Variants in PARP4 observed in about 807,000 individuals in gnomAD.
PARP4 encodes the protein protein mono-ADP-ribosyltransferase PARP4.
PARP4 carries 120 observed loss-of-function variants against 187.7 expected under a neutral mutation model. The ratio of observed to expected loss-of-function variants is 0.64; its 90% CI spans 0.55 to 0.74. The LOEUF (loss-of-function observed/expected upper bound fraction) is 0.74, where lower values mean the gene tolerates loss of function less well. Ranked by LOEUF, PARP4 falls within the 30% of genes least tolerant of loss-of-function variation. The pLI is 0.00. For synonymous variants in PARP4, 654 were observed against 740.9 expected, an observed-to-expected ratio of 0.88 and a Z score of 1.90; for missense variants, 1,836 against 2,070.5, an observed-to-expected ratio of 0.89 and a Z score of 2.20.
At chr13:24,436,900 T>C (rs1565989955) in intron 30 of PARP4, among the ~76,000 whole-genome samples, 1 of 152,156 alleles carries the variant, frequency 6.6e-6, no homozygotes, top group Non-Finnish European at 1.5e-5. Context: ...ATTAATATTA[T>C]AGAACATATG....
At chr13:24,506,408 G>A (rs1012032419) in intron 1 of PARP4, among the ~76,000 whole-genome samples, 3 of 152,134 alleles carry the variant, frequency 2.0e-5, no homozygotes, top group Non-Finnish European at 2.9e-5. Context: ...GACCCCAGCA[G>A]GTTGCCACTG....
rs535929826 is a variant in PARP4, at chr13:24,511,268, G to A, written c.-2+1438C>T. Among the ~76,000 whole-genome samples, 78 of 152,112 alleles carry A rather than the reference G, an allele frequency of 5.1e-4. 2 individuals carry two copies. Among genetic ancestry groups the A allele is most frequent in the African/African-American group, 1.7e-3 (71 of 41,478 alleles). ...GCCAGCCCTCTTCTGGGTTAACAGC[G>A]CCTAACCGACATGCGCCACTAGTTC... On this transcript the variant is annotated intron_variant, in intron 1 of 33. Transcript: ENST00000381989.
At chr13:24,448,134 C>T (rs1871305810) in intron 25 of PARP4, among the ~76,000 whole-genome samples, 1 of 152,096 alleles carries the variant, frequency 6.6e-6, no homozygotes, top group Admixed American at 6.5e-5. Context: ...GGCTTGAGAC[C>T]AGGATGTCAG....
intron 31 of PARP4, among the ~76,000 whole-genome samples, chr13:24,432,548 T>G (rs1224920653): frequency 2.0e-5 from 3 of 152,192 alleles, no homozygotes; most frequent in Non-Finnish European, 2.9e-5. Context: ...TTTTGTTCCC[T>G]TTTGTGGAAA....
intron 5 of PARP4, 121 bp from the exon 6 acceptor site, chr13:24,498,350 T>C (rs1869076498): frequency 7.9e-6 from 5 of 629,008 alleles, no homozygotes; most frequent in Admixed American, 2.9e-5. Context: ...TTAGAAAATA[T>C]AGAAAAGTAT....
intron 15 of PARP4, 87 bp from the exon 16 acceptor site, chr13:24,470,112 A>G: frequency 1.6e-6 from 2 of 1,242,608 alleles, no homozygotes; most frequent in East Asian, 4.9e-5. Context: ...GATTTTGCAT[A>G]TTTATTTGAA....
intron 17 of PARP4, among the ~76,000 whole-genome samples, chr13:24,467,304 T>G (rs909466466): frequency 6.6e-6 from 1 of 152,212 alleles, no homozygotes; most frequent in African/African-American, 2.4e-5. Context: ...GATTACGAGC[T>G]AGACCTCTAT....
At chr13:24,479,722 G>T (rs1873168031) in intron 12 of PARP4, among the ~76,000 whole-genome samples, 1 of 152,166 alleles carries the variant, frequency 6.6e-6, no homozygotes, top group Non-Finnish European at 1.5e-5. Flanking sequence ...GCAGGATGTG[G>T]GTGGTGCCAG....
intron 1 of PARP4, among the ~76,000 whole-genome samples, chr13:24,506,866 C>T (rs1869719759): frequency 6.6e-6 from 1 of 152,210 alleles, no homozygotes; most frequent in Non-Finnish European, 1.5e-5. Flanking sequence ...GCCGGCCGCG[C>T]TCCTGCGGGA....
In PARP4 at chr13:24,459,283, C is replaced by T. The variant is rs1211098239; in HGVS notation, c.2326G>A (p.Glu776Lys). 6 of 1,577,346 alleles carry T rather than the reference C, an allele frequency of 3.8e-6. No individual in the cohort carries two copies. In the East Asian group the frequency reaches 1.3e-4, roughly 35 times the overall value. The change falls in exon 19 of 34, where the codon GAA becomes AAA. Residue 776 changes from glutamate (E) to lysine (K), a missense_variant. Coordinates refer to ENST00000381989, the MANE Select transcript of PARP4 (RefSeq NM_006437.4). The stretch of plus-strand genomic sequence containing the variant: ...ACTAACCTTTGCTTTGTTCCTATTT[C>T]TTTTATACAAATCTTCTCTACTGTA... The part of the protein sequence containing the change: ...QDTVEKICIK[E>K]IGTKQSFSLT...
intron 14 of PARP4, among the ~76,000 whole-genome samples, chr13:24,477,451 C>G (rs1246571237): frequency 8.3e-6 from 1 of 120,038 alleles, no homozygotes; most frequent in African/African-American, 2.9e-5. Flanking sequence ...GAGTGAGACC[C>G]TGTCTCAAAA....
rs1159268910 is a variant in PARP4, at chr13:24,459,564, CACAT to C, written c.2299-258_2299-255del. 560 of 415,234 alleles carry C rather than the reference CACAT, an allele frequency of 1.3e-3. 3 individuals are homozygous for C. Among genetic ancestry groups the C allele is most frequent in the Admixed American group, 4.4e-3 (104 of 23,532 alleles). 25.7% of individuals were successfully genotyped at this position (415,234 alleles called of 1,614,324 possible). ...ACACACACGCACACACACACACACA[CACAT>C]TTTATACATGTGCTGTACATACAAA... On this transcript the variant is annotated intron_variant, in intron 18 of 33. Coordinates refer to ENST00000381989, the MANE Select transcript of PARP4 (RefSeq NM_006437.4).
chr13:24,498,766 T>C (rs1259099038), intron 5 of PARP4, among the ~76,000 whole-genome samples: 8 of 151,914 alleles, frequency 5.3e-5, no homozygotes, highest in Admixed American at 5.2e-4. Context: ...AAAAAAAGGA[T>C]TTTGTTTTTC....
In PARP4 at chr13:24,445,905, G is replaced by A. The variant is rs370934488; in HGVS notation, c.3366+776C>T. Among the ~76,000 whole-genome samples, 82 of 152,262 alleles carry A rather than the reference G, an allele frequency of 5.4e-4. 1 individual carries two copies. Among genetic ancestry groups the A allele is most frequent in the South Asian group, 2.5e-3 (12 of 4,822 alleles). On this transcript the variant is annotated intron_variant, in intron 27 of 33. Transcript: ENST00000381989. ...TGTGAGGTCTGTGCCAACCCCAGGC[G>A]GCCAGTGTCAGAATTGAATTAAATT...
intron 17 of PARP4, among the ~76,000 whole-genome samples, chr13:24,465,573 G>A (rs1225051359): frequency 6.6e-6 from 1 of 152,114 alleles, no homozygotes; most frequent in Non-Finnish European, 1.5e-5. Flanking sequence ...TGAACAATGA[G>A]AACACATGGA....
chr13:24,449,171 G>A (rs1190088404), intron 25 of PARP4, among the ~76,000 whole-genome samples: 3 of 152,276 alleles, frequency 2.0e-5, no homozygotes, highest in Non-Finnish European at 2.9e-5. Context: ...GGCAGATCAT[G>A]AGGTCAGGAG....
chr13:24,459,654 G>A (rs1872095637), intron 18 of PARP4, among the ~76,000 whole-genome samples: 1 of 152,028 alleles, frequency 6.6e-6, no homozygotes, highest in African/African-American at 2.4e-5. Flanking sequence ...ATGGGATAAA[G>A]GATGGTTTTA....
At chr13:24,448,588 A>G (rs1456394422) in intron 25 of PARP4, among the ~76,000 whole-genome samples, 1 of 152,202 alleles carries the variant, frequency 6.6e-6, no homozygotes, top group Non-Finnish European at 1.5e-5. Context: ...ACTAAACATA[A>G]AATGAGCATA....
rs553458680 is a variant in PARP4, at chr13:24,423,142, C to CA, written c.4980-1829dup. 1.2e-3 allele frequency among the ~76,000 whole-genome samples: 176 copies of CA among 152,264 alleles called. 3 individuals carry two copies. In the East Asian group the frequency reaches 0.018, roughly 16 times the overall value. ...GCGTCTTTGGATGTGCCTATTAAGT[C>CA]AATACTAATTTTTTAGTCCCACCTC... On this transcript the variant is annotated intron_variant, in intron 33 of 33. Transcript: ENST00000381989.
Sources: allele counts gnomAD v4.1 joint callset (sites outside exome capture counted in the v4.1 genomes callset), GRCh38; gene constraint gnomAD v4.1.1; transcripts MANE v1.5; gene names NCBI Gene and HGNC (gene_info 2026-07-23, HGNC 2026-07-21).